ANKFY1: variants seen among roughly 807,000 people sequenced by gnomAD.
The protein encoded by ANKFY1 is ankyrin repeat and FYVE domain-containing protein 1.
In ANKFY1, 47 loss-of-function variants were observed where a neutral mutation model predicts 128.3. That is an observed-to-expected ratio of 0.37 (90% CI 0.29 to 0.47). ANKFY1 has a LOEUF of 0.47. Ranked by LOEUF, ANKFY1 falls within the 20% of genes least tolerant of loss-of-function variation. The probability of loss-of-function intolerance (pLI) is 1.00; values close to 1 mark genes in which losing one functional copy is unlikely to be tolerated. For missense variants in ANKFY1, 1,222 were observed against 1,510.6 expected (o/e 0.81, Z 3.17); for synonymous variants, 553 against 601.6 (o/e 0.92, Z 1.18).
At chr17:4,170,654 C>T (rs2059299405) in intron 23 of ANKFY1, 61 bp downstream of exon 23, 4 of 1,550,598 alleles carry the variant, frequency 2.6e-6, no homozygotes, top group Non-Finnish European at 3.5e-6. Context: ...CAATACAATA[C>T]ATGGCGATCC....
At chr17:4,242,681 C>T (rs978727286) in intron 1 of ANKFY1, among the ~76,000 whole-genome samples, 4 of 152,268 alleles carry the variant, frequency 2.6e-5, no homozygotes, top group Admixed American at 6.5e-5. Context: ...ATCACTTGAG[C>T]CCAGGAGTTT....
At position 4,242,461 on chromosome 17, in the gene ANKFY1, C is replaced by T. The variant is rs770625028; in HGVS notation, c.11-13G>A. The T allele has an allele frequency of 2.5e-5, 38 of 1,532,182 alleles. No individual in the cohort carries two copies. The highest frequency in any genetic ancestry group is 4.2e-5 in the African/African-American group (3 of 71,008). The allele number at this position is 1,532,182 out of a possible 1,614,324, so 94.9% of individuals were successfully genotyped here. On this transcript the variant is annotated splice_polypyrimidine_tract_variant and intron_variant, in intron 1 of 24. Transcript: ENST00000341657. The stretch of plus-strand genomic sequence containing the variant: ...TTGGCCACCTCCTCTGCAAGGAAAA[C>T]GAAGAATCAAGTTCACCGTGGCTGC...
At chr17:4,215,921 A>T (rs201997551) in intron 4 of ANKFY1, among the ~76,000 whole-genome samples, 1 of 152,014 alleles carries the variant, frequency 6.6e-6, no homozygotes, top group African/African-American at 2.4e-5. Flanking sequence ...TCACCAAAAC[A>T]AACAAACAAA....
chr17:4,171,716 C>T (rs1340860468), intron 22 of ANKFY1, among the ~76,000 whole-genome samples: 1 of 152,192 alleles, frequency 6.6e-6, no homozygotes, highest in Non-Finnish European at 1.5e-5. Context: ...GCGGACTCCT[C>T]TGAAGCTTAA....
At chr17:4,223,760 G>A (rs954567885) in intron 3 of ANKFY1, 1 of 1,562,128 alleles carries the variant, frequency 6.4e-7, no homozygotes, top group Non-Finnish European at 8.8e-7. Context: ...AGATCCGGGG[G>A]AGAGGCCCAA....
At chr17:4,196,039 A>G (rs4790591) in intron 8 of ANKFY1, among the ~76,000 whole-genome samples, 1 of 28,448 alleles carries the variant, frequency 3.5e-5, no homozygotes, top group Non-Finnish European at 6.0e-5. Flanking sequence ...CCCCCCCACC[A>G]CCCCCCACCC....
rs2142997276 is a variant in ANKFY1, at chr17:4,165,271, T to C, written c.*2508A>G. The C allele has an allele frequency of 6.6e-6, 1 of 152,358 alleles. No homozygotes were observed. Among genetic ancestry groups the C allele is most frequent in the African/African-American group, 2.4e-5 (1 of 41,582 alleles). The allele number at this position is 152,358 out of a possible 1,614,324, so 9.4% of individuals were successfully genotyped here. On this transcript the variant is annotated 3_prime_UTR_variant, in exon 25 of 25. Coordinates refer to ENST00000341657, the MANE Select transcript of ANKFY1 (RefSeq NM_001330063.2). ...TGAGAGCACATTCAGCATAACAATG[T>C]TGACTGTTGCAGCAAATTATGTTTC... is the stretch of plus-strand genomic sequence containing the variant.
chr17:4,201,056 G>C (rs372488361), intron 7 of ANKFY1, among the ~76,000 whole-genome samples: 26 of 152,162 alleles, frequency 1.7e-4, no homozygotes, highest in African/African-American at 6.3e-4. Context: ...TTTGAGACAG[G>C]GTCTCACTCT....
intron 1 of ANKFY1, among the ~76,000 whole-genome samples, chr17:4,253,462 A>C (rs1179594385): frequency 6.6e-6 from 1 of 152,188 alleles, no homozygotes; most frequent in Non-Finnish European, 1.5e-5. Flanking sequence ...TAAATCTAAC[A>C]ACAAACTCCT....
intron 2 of ANKFY1, among the ~76,000 whole-genome samples, chr17:4,239,442 C>T (rs1197588917): frequency 6.6e-6 from 1 of 152,190 alleles, no homozygotes. Flanking sequence ...AGAATATATA[C>T]TTCCTTTTTT....
chr17:4,193,975 C>G (rs2059765847), intron 10 of ANKFY1, among the ~76,000 whole-genome samples: 1 of 151,148 alleles, frequency 6.6e-6, no homozygotes, highest in Non-Finnish European at 1.5e-5. Context: ...CCTGGCTGAT[C>G]TGGAACTGCT....
At chr17:4,235,079 A>G (rs1966867564) in intron 3 of ANKFY1, among the ~76,000 whole-genome samples, 1 of 152,186 alleles carries the variant, frequency 6.6e-6, no homozygotes, top group Non-Finnish European at 1.5e-5. Context: ...ACGGTGGCTC[A>G]CACCTGTAAT....
intron 4 of ANKFY1, among the ~76,000 whole-genome samples, chr17:4,210,980 C>T (rs1234377016): frequency 1.3e-5 from 2 of 151,010 alleles, no homozygotes; most frequent in African/African-American, 2.4e-5. Flanking sequence ...TGCAGTGAGC[C>T]GAGATTACGC....
intron 22 of ANKFY1, among the ~76,000 whole-genome samples, chr17:4,171,695 C>T (rs2059323539): frequency 1.3e-5 from 2 of 152,288 alleles, no homozygotes; most frequent in Non-Finnish European, 2.9e-5. Flanking sequence ...GCTGCTCACT[C>T]CCTCCCAGGG....
intron 2 of ANKFY1, among the ~76,000 whole-genome samples, chr17:4,237,863 A>G (rs1210905634): frequency 4.6e-5 from 7 of 152,188 alleles, no homozygotes; most frequent in Admixed American, 4.6e-4. Context: ...CTTTTAAAAC[A>G]TGGAAACCAG....
intron 10 of ANKFY1, among the ~76,000 whole-genome samples, chr17:4,192,755 G>C (rs2059741584): frequency 6.6e-6 from 1 of 152,136 alleles, no homozygotes; most frequent in African/African-American, 2.4e-5. Context: ...CGTTAAAAGC[G>C]AGTGGACGAA....
At position 4,169,846 on chromosome 17, in the gene ANKFY1, G is replaced by C. The variant is rs1483365033; in HGVS notation, c.3287-558C>G. 1.3e-5 allele frequency among the ~76,000 whole-genome samples: 2 copies of C among 152,176 alleles called. No individual in the cohort carries two copies. The highest frequency in any genetic ancestry group is 4.8e-5 in the African/African-American group (2 of 41,432). Reference sequence around the variant, plus strand: ...GTTTGGGAGTTACTAATGCAGACAGGAATGACAATCACTTGGATTTACTGG... The same window carrying C: ...GTTTGGGAGTTACTAATGCAGACAGCAATGACAATCACTTGGATTTACTGG... On this transcript the variant is annotated intron_variant, in intron 23 of 24. Coordinates refer to ENST00000341657, the MANE Select transcript of ANKFY1 (RefSeq NM_001330063.2). This position sits in a 1 kb window ranked among gnomAD's most constrained non-coding sequence, Gnocchi z 5.0.
At chr17:4,256,936 A>G (rs1035345273) in intron 1 of ANKFY1, among the ~76,000 whole-genome samples, 4 of 152,226 alleles carry the variant, frequency 2.6e-5, no homozygotes, top group Non-Finnish European at 5.9e-5. Flanking sequence ...TAAGAGATGC[A>G]TAACAAATAT....
At chr17:4,205,353 A>G (rs2053256) in intron 7 of ANKFY1, among the ~76,000 whole-genome samples, 50,552 of 152,126 alleles carry the variant, frequency 0.33, 9,297 homozygotes, top group Admixed American at 0.41. Context: ...AAATCAGCCC[A>G]GATCCATTTG....
Sources: allele counts gnomAD v4.1 joint callset (sites outside exome capture counted in the v4.1 genomes callset), GRCh38; gene constraint gnomAD v4.1.1; non-coding constraint Gnocchi (gnomAD v3.1); transcripts MANE v1.5; gene names NCBI Gene and HGNC (gene_info 2026-07-23, HGNC 2026-07-21).